Variants in SGCZ observed in about 807,000 individuals in gnomAD.
SGCZ encodes the protein zeta-sarcoglycan.
SGCZ carries 40 observed loss-of-function variants against 41.3 expected under a neutral mutation model. The observed-to-expected ratio is 0.97, with a 90% CI of 0.75 to 1.26. SGCZ has a LOEUF of 1.26. SGCZ is among the 50% of genes most tolerant of loss of function. The pLI is 0.00. For missense variants in SGCZ, 552 were observed against 369.8 expected (o/e 1.49, Z -4.04); for synonymous variants, 206 against 137.5 (o/e 1.50, Z -3.49).
At chr8:14,840,192 T>C (rs74693535) in intron 1 of SGCZ, among the ~76,000 whole-genome samples, 3,516 of 152,188 alleles carry the variant, frequency 0.023, 152 homozygotes, top group East Asian at 0.19. Context: ...CAATTCCTGC[T>C]TAAGGGATTT....
chr8:14,504,803 G>A (rs977616303), intron 2 of SGCZ, among the ~76,000 whole-genome samples: 9 of 151,908 alleles, frequency 5.9e-5, no homozygotes, highest in African/African-American at 2.2e-4. Flanking sequence ...ACCTTTTTGT[G>A]ATTTATATCA....
At chr8:14,754,456 A>T (rs1046386975) in intron 1 of SGCZ, among the ~76,000 whole-genome samples, 3 of 152,078 alleles carry the variant, frequency 2.0e-5, no homozygotes, top group Non-Finnish European at 4.4e-5. Context: ...TATAATATTT[A>T]TTGCTTATTA....
chr8:15,116,989 C>G (rs564231288), intron 1 of SGCZ, among the ~76,000 whole-genome samples: 1 of 152,316 alleles, frequency 6.6e-6, no homozygotes, highest in East Asian at 1.9e-4. Flanking sequence ...TCAATCTATT[C>G]TGAATAATAA....
intron 5 of SGCZ, among the ~76,000 whole-genome samples, chr8:14,140,932 C>T (rs1265837474): frequency 6.6e-6 from 1 of 152,174 alleles, no homozygotes; most frequent in African/African-American, 2.4e-5. Context: ...TACTACAAGC[C>T]TACAGTAACC....
chr8:14,137,167 T>C (rs549523845), intron 5 of SGCZ, among the ~76,000 whole-genome samples: 8 of 152,134 alleles, frequency 5.3e-5, no homozygotes, highest in Admixed American at 1.3e-4. Flanking sequence ...ACCTCATCTA[T>C]TGGTCACCAT....
Position 14,374,002 on chromosome 8 carries a change from G to A in SGCZ, c.235-49798C>T, listed in dbSNP as rs376387467. Among the ~76,000 whole-genome samples, 258 of 152,214 alleles carry A rather than the reference G, an allele frequency of 1.7e-3. 2 individuals are homozygous for A. The highest frequency in any genetic ancestry group is 6.0e-3 in the African/African-American group (250 of 41,536). On this transcript the variant is annotated intron_variant, in intron 2 of 7. Coordinates refer to ENST00000382080, the MANE Select transcript of SGCZ (RefSeq NM_139167.4). Reference sequence around the variant, plus strand: ...TAAAATAAAAATAAAAAAATACACAGATATATTAACGATTTTAAAAAAGAA... The same window carrying A: ...TAAAATAAAAATAAAAAAATACACAAATATATTAACGATTTTAAAAAAGAA...
At position 14,863,330 on chromosome 8, in the gene SGCZ, A is replaced by G. The variant is rs575858231; in HGVS notation, c.40-308404T>C. 5.3e-5 allele frequency among the ~76,000 whole-genome samples: 8 copies of G among 152,094 alleles called. No individual in the cohort carries two copies. In the East Asian group the frequency reaches 1.4e-3, roughly 26 times the overall value. ...AAGATGATTTTTAATTACTATTATTATTACTATTTTTAGAGAAAGGATTTC... is the reference window on the plus strand; with the variant it reads ...AAGATGATTTTTAATTACTATTATTGTTACTATTTTTAGAGAAAGGATTTC... On this transcript the variant is annotated intron_variant, in intron 1 of 7. Transcript: ENST00000382080.
intron 3 of SGCZ, among the ~76,000 whole-genome samples, chr8:14,260,550 G>T (rs1317601505): frequency 6.8e-6 from 1 of 147,732 alleles, no homozygotes; most frequent in Non-Finnish European, 1.5e-5. Flanking sequence ...GATTCCTCAG[G>T]GATCTAGAAC....
intron 1 of SGCZ, among the ~76,000 whole-genome samples, chr8:15,081,982 T>C (rs2131046399): frequency 6.6e-6 from 1 of 152,356 alleles, no homozygotes; most frequent in African/African-American, 2.4e-5. Context: ...GCTTTTATTA[T>C]TCACGCTTCT....
chr8:15,184,282 T>G lies in SGCZ; in HGVS notation c.39+53303A>C, dbSNP rs1373445055. ...ACCTTATGCTTTTAAAATTTTCAAT[T>G]ATATTTAAAACAAACACGGTGCATG... On this transcript the variant is annotated intron_variant, in intron 1 of 7. Transcript: ENST00000382080. Among the ~76,000 whole-genome samples, 3 of 152,166 alleles carry G rather than the reference T, an allele frequency of 2.0e-5. No individual in the cohort carries two copies. In the East Asian group the frequency reaches 5.8e-4, roughly 29 times the overall value.
At chr8:14,636,696 A>G (rs1327918469) in intron 1 of SGCZ, among the ~76,000 whole-genome samples, 1 of 151,874 alleles carries the variant, frequency 6.6e-6, no homozygotes, top group South Asian at 2.1e-4. Flanking sequence ...AGGCATATAT[A>G]GAAAGGTAAT....
chr8:14,819,050 A>C (rs1801990154), intron 1 of SGCZ, among the ~76,000 whole-genome samples: 1 of 152,124 alleles, frequency 6.6e-6, no homozygotes, highest in African/African-American at 2.4e-5. Flanking sequence ...AGGAAGCTCA[A>C]AGATCTGTGG....
intron 1 of SGCZ, among the ~76,000 whole-genome samples, chr8:14,861,027 G>A (rs1803729758): frequency 6.6e-6 from 1 of 152,202 alleles, no homozygotes; most frequent in Non-Finnish European, 1.5e-5. Flanking sequence ...TGTTCGCAAT[G>A]TCCCTGCAGC....
chr8:14,314,300 C>T (rs901877545), intron 3 of SGCZ, among the ~76,000 whole-genome samples: 2 of 151,920 alleles, frequency 1.3e-5, no homozygotes, highest in African/African-American at 2.4e-5. Flanking sequence ...TTTTTCCCCA[C>T]TCTTAACGTA....
chr8:15,142,542 C>T (rs977092945), intron 1 of SGCZ, among the ~76,000 whole-genome samples: 67 of 152,048 alleles, frequency 4.4e-4, no homozygotes, highest in Admixed American at 4.4e-3. Context: ...TCACAGAGCA[C>T]ACTACTAACC....
intron 1 of SGCZ, among the ~76,000 whole-genome samples, chr8:15,193,940 A>G (rs1800627108): frequency 6.6e-6 from 1 of 152,092 alleles, no homozygotes; most frequent in African/African-American, 2.4e-5. Context: ...TCTTATCTTA[A>G]TATTCTAGCA....
At chr8:14,868,486 T>A (rs186225774) in intron 1 of SGCZ, among the ~76,000 whole-genome samples, 1 of 152,108 alleles carries the variant, frequency 6.6e-6, no homozygotes. Context: ...TTTTGTGTTA[T>A]GAATAGAGAG....
intron 1 of SGCZ, among the ~76,000 whole-genome samples, chr8:14,766,622 T>A (rs1800043438): frequency 6.6e-6 from 1 of 151,740 alleles, no homozygotes; most frequent in Non-Finnish European, 1.5e-5. Context: ...AGTGCAGTAC[T>A]GCGATCTCGG....
chr8:14,510,196 T>C (rs1276558539), intron 2 of SGCZ, among the ~76,000 whole-genome samples: 3 of 152,164 alleles, frequency 2.0e-5, no homozygotes, highest in Non-Finnish European at 4.4e-5. Context: ...GAGTTTATTA[T>C]TAAAAAATTC....
Sources: gnomAD v4.1 joint callset for allele counts (sites outside exome capture counted in the v4.1 genomes callset) on GRCh38, gnomAD v4.1.1 for gene constraint, MANE v1.5 for transcripts, NCBI Gene and HGNC (gene_info 2026-07-23, HGNC 2026-07-21) for gene names.